Variants in SKP1 observed in about 807,000 individuals in gnomAD.
The protein encoded by SKP1 is S-phase kinase-associated protein 1.
A neutral mutation model predicts 21.5 loss-of-function variants in SKP1; 1 was observed. The ratio of observed to expected loss-of-function variants is 0.05; its 90% CI spans 0.02 to 0.22. The LOEUF is 0.22. SKP1 is among the 10% of genes least tolerant of loss of function. The pLI is 1.00. For missense variants in SKP1, 70 were observed against 192.0 expected, an observed-to-expected ratio of 0.36 and a Z score of 3.76; for synonymous variants, 59 against 59.3, an observed-to-expected ratio of 0.99 and a Z score of 0.03.
intron 3 of SKP1, among the ~76,000 whole-genome samples, chr5:134,164,325 A>G (rs1473154030): frequency 1.4e-3 from 10 of 6,970 alleles, no homozygotes; most frequent in Non-Finnish European, 7.3e-3. Flanking sequence ...ATCTCAAGAA[A>G]AAAAAAAAAA....
chr5:134,170,501 T>C (rs1178691329), intron 2 of SKP1, among the ~76,000 whole-genome samples: 1 of 152,240 alleles, frequency 6.6e-6, no homozygotes, highest in Non-Finnish European at 1.5e-5. Context: ...GTCTCACTTC[T>C]GATTGTCCTG....
At chr5:134,167,147 CTT>C (rs143273766) in intron 3 of SKP1, 21 bp downstream of exon 3, 42,779 of 1,355,398 alleles carry the variant, frequency 0.032, 858 homozygotes, top group South Asian at 0.059. Context: ...GCAGAATAAA[CTT>C]AAACTCTTTA....
At chr5:134,171,581 C>CA (rs139350728) in intron 2 of SKP1, among the ~76,000 whole-genome samples, 2,538 of 152,292 alleles carry the variant, frequency 0.017, 77 homozygotes, top group African/African-American at 0.058. Context: ...GGTTTAAACT[C>CA]AAAGTCATTT....
intron 3 of SKP1, among the ~76,000 whole-genome samples, chr5:134,163,724 A>G (rs1161392385): frequency 6.6e-6 from 1 of 152,128 alleles, no homozygotes; most frequent in Non-Finnish European, 1.5e-5. Context: ...CGGGAGGTAG[A>G]AGGTGCAGTG....
chr5:134,169,002 T>C (rs943396562), intron 2 of SKP1, among the ~76,000 whole-genome samples: 5 of 152,060 alleles, frequency 3.3e-5, no homozygotes, highest in African/African-American at 7.2e-5. Flanking sequence ...AATGGCTGTG[T>C]AGAGATATAG....
rs778846635 is a variant in SKP1, at chr5:134,161,122, C to G, written c.180G>C (p.Gln60His). ...GGTCATCCTTGTGGTGGGTGCACCA[C>G]TGAATGACCTACAACAACAAAAGTT... ...VNAAILKKVI[Q>H]WCTHHKDDPP... The change falls in exon 4 of 6, where the codon CAG becomes CAC. Residue 60 changes from glutamine (Q) to histidine (H), a missense_variant. Physicochemically the swap from Gln to His is conservative, Grantham distance 24. Transcript: ENST00000353411. The G allele has an allele frequency of 6.2e-7, 1 of 1,607,936 alleles. No individual in the cohort carries two copies. Among genetic ancestry groups the G allele is most frequent in the Non-Finnish European group, 8.5e-7 (1 of 1,176,966 alleles).
Position 134,158,435 on chromosome 5 carries a change from C to CAA in SKP1, c.456+18_456+19dup, listed in dbSNP as rs1761159198. The stretch of plus-strand genomic sequence containing the variant: ...CTTTTTAAGAGCATGTGATCAAAGA[C>CAA]AAAACTGTGTGCTACCTACCTGGGC... On this transcript the variant is annotated intron_variant, in intron 5 of 5. Coordinates refer to ENST00000353411, the MANE Select transcript of SKP1 (RefSeq NM_170679.3). 10 of 1,613,832 alleles carry CAA rather than the reference C, an allele frequency of 6.2e-6. No individual in the cohort carries two copies. The highest frequency in any genetic ancestry group is 3.4e-6 in the Non-Finnish European group (4 of 1,179,928).
rs546838686 is a variant in SKP1 at position 134,160,914 on chromosome 5, G to C, written c.315+73C>G. On this transcript the variant is annotated intron_variant, in intron 4 of 5. Coordinates refer to ENST00000353411, the MANE Select transcript of SKP1 (RefSeq NM_170679.3). ...AGTATTAAAATTCAGTGTCAATGAAGTTAGCAAATTTAAATCTATAAGAAG... is the reference window on the plus strand; with the variant it reads ...AGTATTAAAATTCAGTGTCAATGAACTTAGCAAATTTAAATCTATAAGAAG... 120 of 1,042,594 alleles carry C rather than the reference G, an allele frequency of 1.2e-4. 2 individuals are homozygous for C. The South Asian group carries it at 1.9e-3, about 17-fold the overall frequency. The allele number at this position is 1,042,594 out of a possible 1,614,324, so 64.6% of individuals were successfully genotyped here.
chr5:134,171,207 C>G (rs1761434579), intron 2 of SKP1, among the ~76,000 whole-genome samples: 1 of 152,224 alleles, frequency 6.6e-6, no homozygotes, highest in Admixed American at 6.5e-5. Context: ...GACACATCCT[C>G]TGCAATTCAG....
At chr5:134,158,306 C>G in intron 5 of SKP1, 149 bp downstream of exon 5, 1 of 1,534,000 alleles carries the variant, frequency 6.5e-7, no homozygotes, top group South Asian at 1.3e-5. Context: ...AAAGACAGAA[C>G]AGTAAGAGTA....
intron 3 of SKP1, among the ~76,000 whole-genome samples, chr5:134,166,248 G>GA (rs369783220): frequency 0.048 from 7,020 of 145,080 alleles, 465 homozygotes; most frequent in African/African-American, 0.15. Context: ...TTGTTATATG[G>GA]AAAAAAAAAA....
chr5:134,173,514 C>G (rs1761484575), intron 2 of SKP1: 1 of 342,262 alleles, frequency 2.9e-6, no homozygotes, highest in Non-Finnish European at 5.7e-6. Flanking sequence ...TAAATAAAAT[C>G]TACACAGCAA....
At position 134,149,067 on chromosome 5, in the gene SKP1, TTA is replaced by T. The variant is rs1760993362; in HGVS notation, c.*8664_*8665del. On this transcript the variant is annotated 3_prime_UTR_variant, in exon 6 of 6. Coordinates refer to ENST00000353411, the MANE Select transcript of SKP1 (RefSeq NM_170679.3). ...CGGTGAGGTCCGGGCTATTTTTAGA[TTA>T]TTTGTATACATTTAGGGGGTACAAG... The T allele has an allele frequency of 6.6e-6, 1 of 152,110 alleles. No individual in the cohort carries two copies. The highest frequency in any genetic ancestry group is 1.5e-5 in the Non-Finnish European group (1 of 68,020). 9.4% of individuals were successfully genotyped at this position (152,110 alleles called of 1,614,324 possible).
chr5:134,166,920 T>C (rs1460593639), intron 3 of SKP1, among the ~76,000 whole-genome samples: 2 of 152,194 alleles, frequency 1.3e-5, no homozygotes, highest in Non-Finnish European at 2.9e-5. Flanking sequence ...AGTGTTTGCA[T>C]AGGTAGACAC....
chr5:134,151,660 T>G lies in SKP1; in HGVS notation c.*6073A>C, dbSNP rs948760060. On this transcript the variant is annotated 3_prime_UTR_variant, in exon 6 of 6. Coordinates refer to ENST00000353411, the MANE Select transcript of SKP1 (RefSeq NM_170679.3). ...AATATACTTAAATACTTCCAGAAAATTTAAAGTTGACAGATATCAGAAGGT... is the reference window on the plus strand; with the variant it reads ...AATATACTTAAATACTTCCAGAAAAGTTAAAGTTGACAGATATCAGAAGGT... The G allele has an allele frequency of 4.4e-6, 2 of 455,778 alleles. No individual in the cohort carries two copies. The highest frequency in any genetic ancestry group is 8.8e-6 in the Non-Finnish European group (2 of 226,860). 28.2% of individuals were successfully genotyped at this position (455,778 alleles called of 1,614,324 possible).
Position 134,153,477 on chromosome 5 carries a change from G to C in SKP1, c.*4256C>G, listed in dbSNP as rs1162821528. On this transcript the variant is annotated 3_prime_UTR_variant, in exon 6 of 6. Coordinates refer to ENST00000353411, the MANE Select transcript of SKP1 (RefSeq NM_170679.3). ...GCCTGGGGGGCAGAGGTGAGACCTT[G>C]TCTCTTAAAAGAAGAATCAAAAAGC... 2.0e-5 allele frequency: 3 copies of C among 152,400 alleles called. No individual in the cohort carries two copies. The highest frequency in any genetic ancestry group is 4.4e-5 in the Non-Finnish European group (3 of 68,270). 9.4% of individuals were successfully genotyped at this position (152,400 alleles called of 1,614,324 possible).
Position 134,153,532 on chromosome 5 carries a change from T to A in SKP1, c.*4201A>T, listed in dbSNP as rs1191077469. On this transcript the variant is annotated 3_prime_UTR_variant, in exon 6 of 6. Transcript: ENST00000353411. ...CGGGCTACTCTGGGCACACTGCCTA[T>A]GGGGTAGTCCTGCTCTGCAAGGAGC... The A allele has an allele frequency of 2.0e-5, 3 of 152,284 alleles. No individual in the cohort carries two copies. Among genetic ancestry groups the A allele is most frequent in the Admixed American group, 2.0e-4 (3 of 15,294 alleles). 9.4% of individuals were successfully genotyped at this position (152,284 alleles called of 1,614,324 possible).
intron 1 of SKP1, among the ~76,000 whole-genome samples, chr5:134,174,299 T>C (rs1387343746): frequency 6.6e-6 from 1 of 152,246 alleles, no homozygotes; most frequent in South Asian, 2.1e-4. Flanking sequence ...AAAACATACA[T>C]ATTTGTATTT....
In SKP1 at chr5:134,153,950, T is replaced by G. The variant is rs1761079897; in HGVS notation, c.*3783A>C. 6.6e-6 allele frequency: 1 copy of G among 152,234 alleles called. No individual in the cohort carries two copies. Among genetic ancestry groups the G allele is most frequent in the Non-Finnish European group, 1.5e-5 (1 of 68,046 alleles). The allele number at this position is 152,234 out of a possible 1,614,324, so 9.4% of individuals were successfully genotyped here. ...TCCAACCAAGTCACAATATAGTTCTTGCTTAATTCCAGGAGCTGGTGTATT... is the reference window on the plus strand; with the variant it reads ...TCCAACCAAGTCACAATATAGTTCTGGCTTAATTCCAGGAGCTGGTGTATT... On this transcript the variant is annotated 3_prime_UTR_variant, in exon 6 of 6. Coordinates refer to ENST00000353411, the MANE Select transcript of SKP1 (RefSeq NM_170679.3).
Sources: gnomAD v4.1 joint callset for allele counts (sites outside exome capture counted in the v4.1 genomes callset) on GRCh38, gnomAD v4.1.1 for gene constraint, MANE v1.5 for transcripts, NCBI Gene and HGNC (gene_info 2026-07-23, HGNC 2026-07-21) for gene names.